TAFA5: variants seen among roughly 807,000 people sequenced by gnomAD.
TAFA5 encodes chemokine-like protein TAFA-5.
TAFA5 carries 6 observed loss-of-function variants against 15.3 expected under a neutral mutation model. The ratio of observed to expected loss-of-function variants is 0.39; its 90% CI spans 0.21 to 0.77. The LOEUF (loss-of-function observed/expected upper bound fraction) is 0.77, where lower values mean the gene tolerates loss of function less well. Ranked by LOEUF, TAFA5 falls within the 30% of genes least tolerant of loss-of-function variation. The probability of loss-of-function intolerance (pLI) is 0.41; values close to 1 mark genes in which losing one functional copy is unlikely to be tolerated. For synonymous variants in TAFA5, 103 were observed against 80.7 expected (o/e 1.28, Z -1.48); for missense variants, 161 against 193.1 (o/e 0.83, Z 0.98).
At chr22:48,512,656 C>T (rs1040520601) in intron 1 of TAFA5, among the ~76,000 whole-genome samples, 2 of 150,878 alleles carry the variant, frequency 1.3e-5, no homozygotes, top group Non-Finnish European at 2.9e-5. Context: ...CGCGGTGGCT[C>T]ATGCCTGTAA....
chr22:48,497,205 G>GCC (rs1021520453), intron 1 of TAFA5, among the ~76,000 whole-genome samples: 7 of 152,346 alleles, frequency 4.6e-5, no homozygotes, highest in African/African-American at 1.7e-4. Context: ...GGTGTTCCAG[G>GCC]CCGCGCCTCC....
intron 1 of TAFA5, among the ~76,000 whole-genome samples, chr22:48,584,069 A>G (rs1433004633): frequency 6.6e-6 from 1 of 150,480 alleles, no homozygotes; most frequent in African/African-American, 2.5e-5. Flanking sequence ...CACATACCAG[A>G]CACCACACAC....
chr22:48,709,577 C>T (rs1177321548), intron 3 of TAFA5, among the ~76,000 whole-genome samples: 1 of 152,208 alleles, frequency 6.6e-6, no homozygotes, highest in Non-Finnish European at 1.5e-5. Flanking sequence ...GTGTGAAAGC[C>T]ACTCTGGGTC....
chr22:48,566,772 A>G lies in TAFA5; in HGVS notation c.112+77068A>G, dbSNP rs1051678995. On this transcript the variant is annotated intron_variant, in intron 1 of 3. Coordinates refer to ENST00000402357, the MANE Select transcript of TAFA5 (RefSeq NM_001082967.3). This position sits in a 1 kb window ranked among gnomAD's most constrained non-coding sequence, Gnocchi z 4.5. ...CCTGTAGAGAACCCAGCCCCTGATC[A>G]TGCTCTCCTCCTTTTGCCTGTGTCC... Among the ~76,000 whole-genome samples the G allele has an allele frequency of 6.6e-6, 1 of 152,154 alleles. No individual in the cohort carries two copies. Among genetic ancestry groups the G allele is most frequent in the Non-Finnish European group, 1.5e-5 (1 of 68,026 alleles).
intron 3 of TAFA5, among the ~76,000 whole-genome samples, chr22:48,731,815 A>G (rs1601704331): frequency 6.6e-6 from 1 of 152,340 alleles, no homozygotes; most frequent in South Asian, 2.1e-4. Flanking sequence ...CTGCTAACAC[A>G]ACATCCATTC....
intron 1 of TAFA5, among the ~76,000 whole-genome samples, chr22:48,615,243 T>C (rs1925556570): frequency 6.6e-6 from 1 of 152,166 alleles, no homozygotes; most frequent in Admixed American, 6.5e-5. Context: ...TTAGCACGAA[T>C]CTGCAGCCCC....
At chr22:48,572,788 A>G (rs768146466) in intron 1 of TAFA5, among the ~76,000 whole-genome samples, 1 of 152,272 alleles carries the variant, frequency 6.6e-6, no homozygotes, top group Non-Finnish European at 1.5e-5. Flanking sequence ...TACAAAGTCT[A>G]GTAGTGGGAC....
chr22:48,704,884 G>A (rs1051354995), intron 2 of TAFA5, among the ~76,000 whole-genome samples: 9 of 152,106 alleles, frequency 5.9e-5, no homozygotes, highest in Non-Finnish European at 1.3e-4. Context: ...GTGCTGATAG[G>A]TTTGGTTCCT....
At chr22:48,666,317 G>A (rs1400754353) in intron 2 of TAFA5, among the ~76,000 whole-genome samples, 1 of 152,192 alleles carries the variant, frequency 6.6e-6, no homozygotes, top group Admixed American at 6.5e-5. Context: ...GATGGCCATG[G>A]AGGTGTTTTT....
intron 1 of TAFA5, among the ~76,000 whole-genome samples, chr22:48,523,073 G>C (rs1258448585): frequency 1.3e-5 from 2 of 152,210 alleles, no homozygotes; most frequent in Admixed American, 6.5e-5. Flanking sequence ...GGATGGCCAG[G>C]CTGGATGGGG....
At chr22:48,617,003 C>T (rs1420044684) in intron 1 of TAFA5, among the ~76,000 whole-genome samples, 1 of 152,090 alleles carries the variant, frequency 6.6e-6, no homozygotes, top group Non-Finnish European at 1.5e-5. Context: ...CAGGGCTGGG[C>T]TGGGAGCGTG....
chr22:48,643,279 G>A (rs1336235355), intron 1 of TAFA5, among the ~76,000 whole-genome samples: 1 of 152,232 alleles, frequency 6.6e-6, no homozygotes, highest in Admixed American at 6.5e-5. Flanking sequence ...GGAAGCTCCT[G>A]CAAGGCCCTG....
chr22:48,527,487 G>A (rs1921820148), intron 1 of TAFA5, among the ~76,000 whole-genome samples: 1 of 152,228 alleles, frequency 6.6e-6, no homozygotes, highest in African/African-American at 2.4e-5. Flanking sequence ...GCTGCCCAGA[G>A]ACAGCCGGCT....
At chr22:48,684,285 G>T (rs369269683) in intron 2 of TAFA5, among the ~76,000 whole-genome samples, 1 of 152,092 alleles carries the variant, frequency 6.6e-6, no homozygotes, top group Admixed American at 6.5e-5. Flanking sequence ...TGGAGGCTTT[G>T]TGGGGTAGAG....
intron 3 of TAFA5, among the ~76,000 whole-genome samples, chr22:48,741,326 G>A (rs1171638927): frequency 2.0e-5 from 3 of 152,262 alleles, no homozygotes; most frequent in South Asian, 4.1e-4. Flanking sequence ...CGTCCTCACC[G>A]CTGGGTCCCA....
chr22:48,570,383 T>A (rs192073435), intron 1 of TAFA5, among the ~76,000 whole-genome samples: 26 of 152,332 alleles, frequency 1.7e-4, no homozygotes, highest in African/African-American at 6.0e-4. Context: ...ACATGACGCA[T>A]ATGGTAAAAA....
chr22:48,718,513 C>G (rs1022748941), intron 3 of TAFA5, among the ~76,000 whole-genome samples: 1 of 152,116 alleles, frequency 6.6e-6, no homozygotes, highest in African/African-American at 2.4e-5. Context: ...TCCTCCCGTG[C>G]GACCTGTGTC....
chr22:48,610,295 G>GC (rs1333252227), intron 1 of TAFA5, among the ~76,000 whole-genome samples: 1 of 152,216 alleles, frequency 6.6e-6, no homozygotes, highest in Admixed American at 6.5e-5. Flanking sequence ...GTTCAGTCTT[G>GC]CCCGTTGCTC....
chr22:48,688,778 G>C (rs1928443484), intron 2 of TAFA5, among the ~76,000 whole-genome samples: 1 of 152,134 alleles, frequency 6.6e-6, no homozygotes, highest in African/African-American at 2.4e-5. Context: ...ATCACCTGAG[G>C]TCAGGAGTTC....
Sources: allele counts gnomAD v4.1 joint callset (sites outside exome capture counted in the v4.1 genomes callset), GRCh38; gene constraint gnomAD v4.1.1; non-coding constraint Gnocchi (gnomAD v3.1); transcripts MANE v1.5; gene names NCBI Gene and HGNC (gene_info 2026-07-23, HGNC 2026-07-21).